RARA: variants seen among roughly 807,000 people sequenced by gnomAD.
The protein encoded by RARA is retinoic acid receptor alpha.
In RARA, 5 loss-of-function variants were observed where a neutral mutation model predicts 42.8. The ratio of observed to expected loss-of-function variants is 0.12; its 90% CI spans 0.06 to 0.25. The LOEUF (loss-of-function observed/expected upper bound fraction) is 0.25. Ranked by LOEUF, RARA falls within the 10% of genes least tolerant of loss-of-function variation. RARA has a pLI of 1.00. For missense variants in RARA, 402 were observed against 628.7 expected (o/e 0.64, Z 3.86); for synonymous variants, 256 against 259.5 (o/e 0.99, Z 0.13).
chr17:40,325,041 A>G (rs1215102518), intron 1 of RARA, among the ~76,000 whole-genome samples: 1 of 151,956 alleles, frequency 6.6e-6, no homozygotes, highest in East Asian at 1.9e-4. Context: ...TCACCGTGTC[A>G]GGAGTTTGAG....
At chr17:40,349,614 C>G in intron 3 of RARA, 170 bp from the exon 4 acceptor site, 1 of 756,448 alleles carries the variant, frequency 1.3e-6, no homozygotes. Context: ...TGAGGAGGAT[C>G]CTTTTAGGTG....
intron 1 of RARA, among the ~76,000 whole-genome samples, chr17:40,310,275 G>C (rs916433440): frequency 6.6e-6 from 1 of 152,152 alleles, no homozygotes; most frequent in African/African-American, 2.4e-5. Flanking sequence ...GGGCAGACAG[G>C]CCCTGCTCTC....
rs748924356 is a variant in RARA at position 40,355,248 on chromosome 17, G to A, written c.1013-15G>A. 10 of 1,555,910 alleles carry A rather than the reference G, an allele frequency of 6.4e-6. No individual in the cohort carries two copies. Among genetic ancestry groups the A allele is most frequent in the Admixed American group, 3.9e-5 (2 of 51,672 alleles). ...TGTGTTCCCAGCTGCTCAGGGGGTGGTTCTGCTTCCTCAGACCGCCAGGAC... is the reference window on the plus strand; with the variant it reads ...TGTGTTCCCAGCTGCTCAGGGGGTGATTCTGCTTCCTCAGACCGCCAGGAC... On this transcript the variant is annotated splice_polypyrimidine_tract_variant and intron_variant, in intron 7 of 8. Transcript: ENST00000254066. The surrounding 1 kb of genome is among the most constrained non-coding windows in gnomAD (Gnocchi z 4.1).
chr17:40,355,294 G>A lies in RARA; in HGVS notation c.1044G>A (p.Val348=). The A allele has an allele frequency of 2.5e-6, 4 of 1,597,070 alleles. No individual in the cohort carries two copies. Among genetic ancestry groups the A allele is most frequent in the Non-Finnish European group, 3.4e-6 (4 of 1,171,622 alleles). Residue 348 remains valine (V), a synonymous_variant, in exon 8 of 9, where the codon GTG becomes GTA. Transcript: ENST00000254066. The surrounding 1 kb of genome is among the most constrained non-coding windows in gnomAD (Gnocchi z 4.1). The part of the protein sequence containing the change: ...DRQDLEQPDR[V]DMLQEPLLEA... ...AGGACCTGGAGCAGCCGGACCGGGT[G>A]GACATGCTGCAGGAGCCGCTGCTGG...
intron 1 of RARA, among the ~76,000 whole-genome samples, chr17:40,322,176 A>G (rs2033408645): frequency 6.6e-6 from 1 of 151,754 alleles, no homozygotes; most frequent in Non-Finnish European, 1.5e-5. Context: ...AGGGGGGTGG[A>G]GGGAGGTTCC....
chr17:40,320,246 A>G lies in RARA; in HGVS notation c.-362-10611A>G, dbSNP rs2033337886. On this transcript the variant is annotated intron_variant, in intron 1 of 8. Coordinates refer to ENST00000254066, the MANE Select transcript of RARA (RefSeq NM_000964.4). The surrounding 1 kb of genome is among the most constrained non-coding windows in gnomAD (Gnocchi z 4.1). The stretch of plus-strand genomic sequence containing the variant: ...TCCTTCCTATAGCCCCTAAATCTCT[A>G]TCCCTTCAGTCTGACCCTAAATGCA... Among the ~76,000 whole-genome samples, 3 of 152,154 alleles carry G rather than the reference A, an allele frequency of 2.0e-5. No individual in the cohort carries two copies. Among genetic ancestry groups the G allele is most frequent in the Non-Finnish European group, 4.4e-5 (3 of 67,984 alleles).
At chr17:40,314,190 T>TG (rs2033148253) in intron 1 of RARA, among the ~76,000 whole-genome samples, 1 of 17,552 alleles carries the variant, frequency 5.7e-5, no homozygotes, top group African/African-American at 2.2e-4. Context: ...AGGGGTGGGG[T>TG]GGGGGTGGGG....
At chr17:40,337,126 C>T (rs1254211257) in intron 2 of RARA, among the ~76,000 whole-genome samples, 1 of 152,246 alleles carries the variant, frequency 6.6e-6, no homozygotes, top group Non-Finnish European at 1.5e-5. Flanking sequence ...GGAAGAGGGA[C>T]ATTATCCCCA....
At chr17:40,337,106 C>T (rs187617676) in intron 2 of RARA, among the ~76,000 whole-genome samples, 1 of 152,334 alleles carries the variant, frequency 6.6e-6, no homozygotes, top group Non-Finnish European at 1.5e-5. Context: ...ATTTTAATCC[C>T]TGCAATCCTG....
rs907388165 is a variant in RARA at position 40,351,496 on chromosome 17, A to G, written c.470-414A>G. ...CAGGAGCTGCTCAGAGCCAGTCCCAAGGGACCCCCAGGGAGACTGCAGCTG... is the reference window on the plus strand; with the variant it reads ...CAGGAGCTGCTCAGAGCCAGTCCCAGGGGACCCCCAGGGAGACTGCAGCTG... On this transcript the variant is annotated intron_variant, in intron 4 of 8. Transcript: ENST00000254066. The surrounding 1 kb of genome is among the most constrained non-coding windows in gnomAD (Gnocchi z 4.1). The G allele has an allele frequency of 1.3e-5, 6 of 473,336 alleles. No individual in the cohort carries two copies. The highest frequency in any genetic ancestry group is 2.6e-5 in the Non-Finnish European group (6 of 229,152). 29.3% of individuals were successfully genotyped at this position (473,336 alleles called of 1,614,324 possible).
Position 40,345,289 on chromosome 17 carries a change from C to A in RARA, c.179-3027C>A, listed in dbSNP as rs887850530. The stretch of plus-strand genomic sequence containing the variant: ...TGCCGCGGTACACCCAGAGCTACCC[C>A]CGCCTCTCCCCGGGAGGAGGAAGGA... On this transcript the variant is annotated intron_variant, in intron 2 of 8. Transcript: ENST00000254066. This position sits in a 1 kb window ranked among gnomAD's most constrained non-coding sequence, Gnocchi z 4.8. 2.0e-5 allele frequency: 3 copies of A among 153,194 alleles called. No individual in the cohort carries two copies. Among genetic ancestry groups the A allele is most frequent in the African/African-American group, 7.2e-5 (3 of 41,470 alleles). The allele number at this position is 153,194 out of a possible 1,614,324, so 9.5% of individuals were successfully genotyped here.
Position 40,352,107 on chromosome 17 carries a change from C to T in RARA, c.630+37C>T. On this transcript the variant is annotated intron_variant, in intron 5 of 8. Coordinates refer to ENST00000254066, the MANE Select transcript of RARA (RefSeq NM_000964.4). The surrounding 1 kb of genome is among the most constrained non-coding windows in gnomAD (Gnocchi z 4.9). ...CCCCGGCCTGCAGGGTGGGATTTGC[C>T]CAGGGCCACAGGGCCAGGATGGGCC... The T allele has an allele frequency of 1.3e-6, 2 of 1,516,800 alleles. No homozygotes were observed. Among genetic ancestry groups the T allele is most frequent in the Non-Finnish European group, 1.8e-6 (2 of 1,137,634 alleles). 94.0% of individuals were successfully genotyped at this position (1,516,800 alleles called of 1,614,324 possible).
At chr17:40,310,489 G>A (rs1025315416) in intron 1 of RARA, among the ~76,000 whole-genome samples, 2 of 152,148 alleles carry the variant, frequency 1.3e-5, no homozygotes, top group Admixed American at 6.5e-5. Flanking sequence ...CCATCTGGTA[G>A]CTCTGTCTAG....
intron 1 of RARA, among the ~76,000 whole-genome samples, chr17:40,311,426 G>A (rs1300403328): frequency 6.6e-6 from 1 of 152,038 alleles, no homozygotes; most frequent in African/African-American, 2.4e-5. Context: ...GTTGATATTC[G>A]ATGACCTTAA....
rs1249928969 is a variant in RARA at position 40,315,163 on chromosome 17, T to TACACACAC, written c.-363+5878_-363+5879insCACACACA. Among the ~76,000 whole-genome samples, 147 of 124,060 alleles carry TACACACAC rather than the reference T, an allele frequency of 1.2e-3. 1 individual carries two copies. The highest frequency in any genetic ancestry group is 5.1e-3 in the African/African-American group (135 of 26,404). 81.4% of individuals were successfully genotyped at this position (124,060 alleles called of 152,430 possible). ...ATATATATATATATATATATATATA[T>TACACACAC]ATATATATACACACACACACACACA... On this transcript the variant is annotated intron_variant, in intron 1 of 8. Transcript: ENST00000254066.
chr17:40,315,627 G>A (rs1381207714), intron 1 of RARA, among the ~76,000 whole-genome samples: 1 of 152,056 alleles, frequency 6.6e-6, no homozygotes, highest in Non-Finnish European at 1.5e-5. Context: ...TCATCTCTTC[G>A]GAGTATCACT....
chr17:40,329,757 T>C (rs1464136558), intron 1 of RARA, among the ~76,000 whole-genome samples: 2 of 152,244 alleles, frequency 1.3e-5, no homozygotes, highest in African/African-American at 4.8e-5. Flanking sequence ...CCCAGCCTCA[T>C]TGTGCTTTTG....
chr17:40,328,508 A>G (rs547127347), intron 1 of RARA, among the ~76,000 whole-genome samples: 3 of 152,302 alleles, frequency 2.0e-5, no homozygotes, highest in South Asian at 2.1e-4. Flanking sequence ...GAGTTGTGCA[A>G]CTACCACCAC....
In RARA at chr17:40,354,194, G is replaced by T; in HGVS notation, c.808-108G>T. 5 of 1,046,016 alleles carry T rather than the reference G, an allele frequency of 4.8e-6. No individual in the cohort carries two copies. Among genetic ancestry groups the T allele is most frequent in the East Asian group, 2.6e-5 (1 of 38,752 alleles). 64.8% of individuals were successfully genotyped at this position (1,046,016 alleles called of 1,614,324 possible). Reference sequence around the variant, plus strand: ...AAATTCTATCAGACAGCATTGCTCCGGCCACCTGCCAGGTGGTCCTCCGGG... The same window carrying T: ...AAATTCTATCAGACAGCATTGCTCCTGCCACCTGCCAGGTGGTCCTCCGGG... On this transcript the variant is annotated intron_variant, in intron 6 of 8. Coordinates refer to ENST00000254066, the MANE Select transcript of RARA (RefSeq NM_000964.4). This position sits in a 1 kb window ranked among gnomAD's most constrained non-coding sequence, Gnocchi z 4.5.
Sources: gnomAD v4.1 joint callset for allele counts (sites outside exome capture counted in the v4.1 genomes callset) on GRCh38, gnomAD v4.1.1 for gene constraint, Gnocchi (gnomAD v3.1) non-coding constraint, MANE v1.5 for transcripts, NCBI Gene and HGNC (gene_info 2026-07-23, HGNC 2026-07-21) for gene names.